EGF: variants seen among roughly 807,000 people sequenced by gnomAD.
EGF encodes the protein pro-epidermal growth factor.
EGF carries 95 observed loss-of-function variants against 143.8 expected under a neutral mutation model. The observed-to-expected ratio is 0.66, with a 90% confidence interval of 0.56 to 0.78. The LOEUF (loss-of-function observed/expected upper bound fraction) is 0.78, where lower values mean the gene tolerates loss of function less well. Among genes scored for constraint, EGF ranks in the 30% least tolerant of loss-of-function variants. EGF has a pLI of 0.00. For missense variants in EGF, 1,320 were observed against 1,470.9 expected, an observed-to-expected ratio of 0.90 and a Z score of 1.68; for synonymous variants, 510 against 510.5, an observed-to-expected ratio of 1.00 and a Z score of 0.01.
intron 5 of EGF, among the ~76,000 whole-genome samples, chr4:109,957,728 G>T (rs921096221): frequency 2.6e-5 from 4 of 152,176 alleles, no homozygotes; most frequent in Admixed American, 6.5e-5. Context: ...TCCCAGCAAT[G>T]GTGGTGTTCT....
intron 1 of EGF, among the ~76,000 whole-genome samples, chr4:109,935,456 G>A (rs145103586): frequency 0.031 from 4,751 of 152,254 alleles, 288 homozygotes; most frequent in East Asian, 0.23. Context: ...ATTTTGGGCT[G>A]AGACGATGGG....
At chr4:109,934,376 T>C (rs1412769232) in intron 1 of EGF, among the ~76,000 whole-genome samples, 1 of 152,244 alleles carries the variant, frequency 6.6e-6, no homozygotes, top group African/African-American at 2.4e-5. Flanking sequence ...GAAGTGTCTG[T>C]TCATATCCTT....
chr4:109,941,842 A>G (rs907294988), intron 2 of EGF, among the ~76,000 whole-genome samples: 2 of 152,216 alleles, frequency 1.3e-5, no homozygotes, highest in African/African-American at 4.8e-5. Flanking sequence ...GTACATACAA[A>G]AGATCCTTAA....
chr4:109,987,455 C>T (rs960770686), intron 16 of EGF, among the ~76,000 whole-genome samples: 2 of 152,080 alleles, frequency 1.3e-5, no homozygotes, highest in Admixed American at 1.3e-4. Context: ...TCAGTAGAGA[C>T]AGAGTTTCAC....
chr4:109,945,475 A>G (rs1742688926), intron 5 of EGF, among the ~76,000 whole-genome samples, 200 bp downstream of exon 5: 1 of 152,110 alleles, frequency 6.6e-6, no homozygotes, highest in African/African-American at 2.4e-5. Flanking sequence ...GGTGGCTCAC[A>G]CTTGTAATCT....
At chr4:109,970,496 G>A (rs1747386795) in intron 11 of EGF, among the ~76,000 whole-genome samples, 1 of 152,088 alleles carries the variant, frequency 6.6e-6, no homozygotes, top group Non-Finnish European at 1.5e-5. Flanking sequence ...TTCTATGCTT[G>A]GGGGTAGGCA....
In EGF at chr4:109,999,835, C is replaced by T. The variant is rs548762791; in HGVS notation, c.3162C>T (p.Ala1054=). The T allele has an allele frequency of 1.2e-6, 2 of 1,613,364 alleles. No individual in the cohort carries two copies. Among genetic ancestry groups the T allele is most frequent in the Admixed American group, 3.3e-5 (2 of 60,018 alleles). Residue 1054 remains alanine, a synonymous_variant, in exon 21 of 24, where the codon GCC becomes GCT. Coordinates refer to ENST00000265171, the MANE Select transcript of EGF (RefSeq NM_001963.6). ...TGCTCCTCCTGAGCCTGTGGGGGGC[C>T]CACTACTACAGGTGACCCTGTCTTT... ...VMLLLLSLWG[A]HYYRTQKLLS...
At position 109,936,779 on chromosome 4, in the gene EGF, C is replaced by G. The variant is rs536668775; in HGVS notation, c.128-4167C>G. 7.9e-5 allele frequency among the ~76,000 whole-genome samples: 12 copies of G among 152,188 alleles called. 1 individual carries two copies. Among genetic ancestry groups the G allele is most frequent in the African/African-American group, 2.6e-4 (11 of 41,540 alleles). On this transcript the variant is annotated intron_variant, in intron 1 of 23. Transcript: ENST00000265171. ...GGTTTCCAATAACTTATTTATTTCT[C>G]CCTTAATTTCGTTATTTACCCAGTA...
intron 10 of EGF, 102 bp from the exon 11 acceptor site, chr4:109,968,869 C>G: frequency 6.6e-7 from 1 of 1,521,748 alleles, no homozygotes; most frequent in Non-Finnish European, 9.0e-7. Context: ...TCTCCAAAGT[C>G]AAGCTCTTAA....
intron 11 of EGF, among the ~76,000 whole-genome samples, chr4:109,969,987 G>T (rs527848763): frequency 6.6e-6 from 1 of 152,288 alleles, no homozygotes; most frequent in Non-Finnish European, 1.5e-5. Context: ...TTGACTCCCT[G>T]TTAAAACAAG....
intron 1 of EGF, among the ~76,000 whole-genome samples, chr4:109,916,859 A>G (rs1165610200): frequency 6.6e-6 from 1 of 152,210 alleles, no homozygotes; most frequent in East Asian, 1.9e-4. Flanking sequence ...GCCATAGTGA[A>G]AAACCCAATA....
intron 18 of EGF, among the ~76,000 whole-genome samples, chr4:109,990,675 A>C (rs1482459371): frequency 6.6e-6 from 1 of 152,188 alleles, no homozygotes; most frequent in Non-Finnish European, 1.5e-5. Context: ...TCCTAGATCA[A>C]GGTGCTGGCT....
At chr4:110,009,115 A>T (rs1753688624) in intron 23 of EGF, among the ~76,000 whole-genome samples, 1 of 152,070 alleles carries the variant, frequency 6.6e-6, no homozygotes, top group Admixed American at 6.6e-5. Context: ...TGGAAAACTC[A>T]CTCTAAATTC....
intron 11 of EGF, among the ~76,000 whole-genome samples, chr4:109,970,862 A>G (rs954444931): frequency 4.1e-5 from 6 of 147,150 alleles, no homozygotes; most frequent in Non-Finnish European, 8.9e-5. Context: ...TGATTTGTTT[A>G]TCTGTATGAT....
At chr4:109,955,733 A>C (rs754977567) in intron 5 of EGF, among the ~76,000 whole-genome samples, 4 of 152,236 alleles carry the variant, frequency 2.6e-5, no homozygotes, top group Non-Finnish European at 5.9e-5. Context: ...AGGTGACATG[A>C]TCACAGGGTT....
chr4:109,991,067 C>T (rs1750862957), intron 18 of EGF, among the ~76,000 whole-genome samples: 2 of 152,160 alleles, frequency 1.3e-5, no homozygotes, highest in South Asian at 4.1e-4. Context: ...ACTGAGGTTT[C>T]ACTTCTCCAG....
At chr4:109,948,252 A>G (rs924601091) in intron 5 of EGF, among the ~76,000 whole-genome samples, 2 of 152,224 alleles carry the variant, frequency 1.3e-5, no homozygotes, top group Non-Finnish European at 2.9e-5. Flanking sequence ...CAAAGGATGC[A>G]CTTCACACAT....
At chr4:109,962,121 A>C in intron 8 of EGF, 136 bp downstream of exon 8, 2 of 1,415,410 alleles carry the variant, frequency 1.4e-6, no homozygotes, top group Non-Finnish European at 1.9e-6. Flanking sequence ...GTTACAACAG[A>C]TTAACATAGA....
chr4:109,944,387 C>A (rs565443571), intron 4 of EGF, among the ~76,000 whole-genome samples: 1 of 152,228 alleles, frequency 6.6e-6, no homozygotes, highest in Admixed American at 6.5e-5. Context: ...TGCAGTGAGC[C>A]GATATCGTGC....
Sources: gnomAD v4.1 joint callset for allele counts (sites outside exome capture counted in the v4.1 genomes callset) on GRCh38, gnomAD v4.1.1 for gene constraint, MANE v1.5 for transcripts, NCBI Gene and HGNC (gene_info 2026-07-23, HGNC 2026-07-21) for gene names.